Variants in FLNB observed in about 807,000 individuals in gnomAD.
FLNB encodes filamin-B.
Under a neutral mutation model 250.6 loss-of-function variants are expected in FLNB, and 111 were observed. That is an observed-to-expected ratio of 0.44 (90% CI 0.38 to 0.52). The LOEUF (loss-of-function observed/expected upper bound fraction) is 0.52. Ranked by LOEUF, FLNB falls within the 20% of genes least tolerant of loss-of-function variation. FLNB has a pLI of 0.00. For synonymous variants in FLNB, 1,302 were observed against 1,372.1 expected (o/e 0.95, Z 1.13); for missense variants, 2,869 against 3,447.8 (o/e 0.83, Z 4.20).
intron 28 of FLNB, 61 bp from the exon 29 acceptor site, chr3:58,138,220 GT>G: frequency 6.2e-7 from 1 of 1,609,686 alleles, no homozygotes; most frequent in Non-Finnish European, 8.5e-7. Context: ...GGTATGATTT[GT>G]TCTTGGGCCT....
intron 6 of FLNB, among the ~76,000 whole-genome samples, chr3:58,096,605 C>T (rs974916471): frequency 6.6e-6 from 1 of 152,096 alleles, no homozygotes; most frequent in East Asian, 1.9e-4. Context: ...GCCTCCTGGG[C>T]TCAAGCGATC....
intron 4 of FLNB, among the ~76,000 whole-genome samples, chr3:58,082,754 G>A (rs2097211018): frequency 6.8e-6 from 1 of 148,134 alleles, no homozygotes; most frequent in Non-Finnish European, 1.5e-5. Flanking sequence ...CTGGGTGACA[G>A]AGTGCGTGAG....
chr3:58,028,342 T>C (rs2097126227), intron 1 of FLNB, among the ~76,000 whole-genome samples: 1 of 152,118 alleles, frequency 6.6e-6, no homozygotes, highest in South Asian at 2.1e-4. Context: ...AGGACTAAAT[T>C]CTGTCATGTG....
intron 1 of FLNB, among the ~76,000 whole-genome samples, chr3:58,025,125 C>G (rs1241750190): frequency 1.8e-5 from 1 of 56,552 alleles, no homozygotes; most frequent in Admixed American, 2.0e-4. Flanking sequence ...TTTCTTCTTT[C>G]TTTCTTTCTT....
In FLNB at chr3:58,056,104, TA is replaced by T. The variant is rs1275879754; in HGVS notation, c.293-20941del. 1.5e-3 allele frequency among the ~76,000 whole-genome samples: 196 copies of T among 131,542 alleles called. 2 individuals are homozygous for T. Among genetic ancestry groups the T allele is most frequent in the African/African-American group, 3.8e-3 (93 of 24,692 alleles). 86.3% of individuals were successfully genotyped at this position (131,542 alleles called of 152,430 possible). ...TTATTTATTTATTTATTTATTTATT[TA>T]TTTTTTTTTTTTTTGAGGTGGAGTC... On this transcript the variant is annotated intron_variant, in intron 1 of 45. Coordinates refer to ENST00000295956, the MANE Select transcript of FLNB (RefSeq NM_001457.4).
intron 1 of FLNB, among the ~76,000 whole-genome samples, chr3:58,063,114 G>T (rs149336812): frequency 2.6e-5 from 4 of 152,294 alleles, no homozygotes; most frequent in Non-Finnish European, 4.4e-5. Context: ...AGCTTGCCAA[G>T]TCGCTGTGCT....
Position 58,171,598 on chromosome 3 carries a change from C to T in FLNB, c.*836C>T, listed in dbSNP as rs924431012. 1 of 152,276 alleles carries T rather than the reference C, an allele frequency of 6.6e-6. No individual in the cohort carries two copies. The allele number at this position is 152,276 out of a possible 1,614,324, so 9.4% of individuals were successfully genotyped here. On this transcript the variant is annotated 3_prime_UTR_variant, in exon 46 of 46. Coordinates refer to ENST00000295956, the MANE Select transcript of FLNB (RefSeq NM_001457.4). The surrounding 1 kb of genome is among the most constrained non-coding windows in gnomAD (Gnocchi z 5.5). Reference sequence around the variant, plus strand: ...CACTAGCCCTTGTTTTTAACACACGCTCCAGCCCTTCATCAGCCTGGGCAG... The same window carrying T: ...CACTAGCCCTTGTTTTTAACACACGTTCCAGCCCTTCATCAGCCTGGGCAG...
chr3:58,068,374 C>G (rs1284172488), intron 1 of FLNB, among the ~76,000 whole-genome samples: 1 of 152,184 alleles, frequency 6.6e-6, no homozygotes, highest in African/African-American at 2.4e-5. Flanking sequence ...CCAGGGGCCT[C>G]TGGGGTACCT....
intron 1 of FLNB, among the ~76,000 whole-genome samples, chr3:58,057,322 A>G (rs2097172098): frequency 6.6e-6 from 1 of 152,188 alleles, no homozygotes; most frequent in African/African-American, 2.4e-5. Flanking sequence ...AGTGAAGATG[A>G]TGGTTTGCAA....
chr3:58,017,754 G>A (rs943760841), intron 1 of FLNB, among the ~76,000 whole-genome samples: 1 of 152,168 alleles, frequency 6.6e-6, no homozygotes, highest in African/African-American at 2.4e-5. Flanking sequence ...CCCATTGTTT[G>A]AGTACAGCAT....
At position 58,029,764 on chromosome 3, in the gene FLNB, C is replaced by T. The variant is rs551052861; in HGVS notation, c.292+20908C>T. The stretch of plus-strand genomic sequence containing the variant: ...ATGATCCCAACCCCCCCGACCTCCC[C>T]GGCCTCCCAAAGTGCTGGGATTATA... On this transcript the variant is annotated intron_variant, in intron 1 of 45. Coordinates refer to ENST00000295956, the MANE Select transcript of FLNB (RefSeq NM_001457.4). Among the ~76,000 whole-genome samples the T allele has an allele frequency of 3.9e-5, 6 of 152,250 alleles. No homozygotes were observed. The East Asian group carries it at 9.7e-4, about 25-fold the overall frequency.
At chr3:58,029,259 T>C (rs113935966) in intron 1 of FLNB, among the ~76,000 whole-genome samples, 5,998 of 152,198 alleles carry the variant, frequency 0.039, 184 homozygotes, top group Non-Finnish European at 0.059. Flanking sequence ...TGGCCTGAAA[T>C]ACTCTTGCAA....
At chr3:58,025,099 T>TTTTTTTC (rs2097121435) in intron 1 of FLNB, among the ~76,000 whole-genome samples, 1 of 146,596 alleles carries the variant, frequency 6.8e-6, no homozygotes, top group Non-Finnish European at 1.5e-5. Context: ...TTCCATTTCT[T>TTTTTTTC]TTTTTTCTTT....
At chr3:58,067,191 C>CTT (rs11303605) in intron 1 of FLNB, among the ~76,000 whole-genome samples, 4 of 148,060 alleles carry the variant, frequency 2.7e-5, no homozygotes, top group African/African-American at 5.0e-5. Flanking sequence ...TTTTAGCAGT[C>CTT]TTTTTTTTTT....
intron 40 of FLNB, 102 bp from the exon 41 acceptor site, chr3:58,155,858 G>A: frequency 2.6e-6 from 2 of 770,180 alleles, no homozygotes; most frequent in Non-Finnish European, 4.5e-6. Flanking sequence ...GGCCATTGAG[G>A]AGGGCTGGGT....
Position 58,130,820 on chromosome 3 carries a change from C to T in FLNB, c.4302C>T (p.Gly1434=), listed in dbSNP as rs759747310. 15 of 1,613,504 alleles carry T rather than the reference C, an allele frequency of 9.3e-6. No individual in the cohort carries two copies. The highest frequency in any genetic ancestry group is 2.2e-5 in the East Asian group (1 of 44,888). Residue 1434 remains glycine (G), a synonymous_variant, in exon 25 of 46, where the codon GGC becomes GGT. Transcript: ENST00000295956. The part of the protein sequence containing the change: ...VKIAGPGLGS[G]VRARVLQSFT... The stretch of plus-strand genomic sequence containing the variant: ...TTGCCGGCCCCGGGCTGGGCTCAGG[C>T]GTCCGAGCCCGTGTCCTGCAGTCCT...
At chr3:58,156,353 CAAAG>C (rs771746383) in intron 41 of FLNB, among the ~76,000 whole-genome samples, 5 of 152,150 alleles carry the variant, frequency 3.3e-5, no homozygotes, top group East Asian at 1.9e-4. Flanking sequence ...TTAAGAGAAA[CAAAG>C]GAAGCCTGTT....
chr3:58,131,410 T>A (rs534596538), intron 25 of FLNB, among the ~76,000 whole-genome samples: 2 of 152,314 alleles, frequency 1.3e-5, no homozygotes, highest in African/African-American at 4.8e-5. Flanking sequence ...TTGTTGGCAA[T>A]TTGGCCTGCC....
At chr3:58,020,737 G>T (rs187500327) in intron 1 of FLNB, among the ~76,000 whole-genome samples, 2 of 147,800 alleles carry the variant, frequency 1.4e-5, no homozygotes, top group Non-Finnish European at 3.0e-5. Flanking sequence ...AAAAAAAAAG[G>T]CTACTAAAGA....
Sources: gnomAD v4.1 joint callset for allele counts (sites outside exome capture counted in the v4.1 genomes callset) on GRCh38, gnomAD v4.1.1 for gene constraint, Gnocchi (gnomAD v3.1) non-coding constraint, MANE v1.5 for transcripts, NCBI Gene and HGNC (gene_info 2026-07-23, HGNC 2026-07-21) for gene names.